Variants in HSD17B2 observed in about 807,000 individuals in gnomAD.
HSD17B2 encodes the protein hydroxysteroid 17-beta dehydrogenase 2.
A neutral mutation model predicts 26.9 loss-of-function variants in HSD17B2; 32 were observed. The observed-to-expected ratio is 1.19, with a 90% CI of 0.90 to 1.60. HSD17B2 has a LOEUF of 1.60. Among genes scored for constraint, HSD17B2 ranks in the 40% most tolerant of loss-of-function variants. The pLI is 0.00. For missense variants in HSD17B2, 613 were observed against 468.6 expected, an observed-to-expected ratio of 1.31 and a Z score of -2.85; for synonymous variants, 246 against 186.7, an observed-to-expected ratio of 1.32 and a Z score of -2.59.
rs896694170 is a variant in HSD17B2, at chr16:82,054,804, C to A, written c.266-13366C>A. Among the ~76,000 whole-genome samples, 22 of 152,302 alleles carry A rather than the reference C, an allele frequency of 1.4e-4. 7 individuals are homozygous for A. Among genetic ancestry groups the A allele is most frequent in the Admixed American group, 6.5e-4 (10 of 15,292 alleles). ...TTTAGCAGAAAGGGAAGGGTGCTGT[C>A]CAGTAGAAATATTTCTATTTTTTTT... On this transcript the variant is annotated intron_variant, in intron 1 of 4. Transcript: ENST00000199936.
intron 1 of HSD17B2, among the ~76,000 whole-genome samples, chr16:82,065,218 G>A (rs149166906): frequency 6.6e-6 from 1 of 152,338 alleles, no homozygotes; most frequent in African/African-American, 2.4e-5. Context: ...GGGAGCAGAT[G>A]ATGGACTTCA....
chr16:82,084,746 C>G (rs9319572), intron 3 of HSD17B2, among the ~76,000 whole-genome samples: 80,689 of 152,006 alleles, frequency 0.53, 21,875 homozygotes, highest in Middle Eastern at 0.68. Flanking sequence ...GAAGATAAAC[C>G]CCTCTAAAAC....
intron 3 of HSD17B2, among the ~76,000 whole-genome samples, chr16:82,080,121 A>G (rs1239779253): frequency 6.6e-6 from 1 of 152,046 alleles, no homozygotes; most frequent in African/African-American, 2.4e-5. Flanking sequence ...GGAATTGATG[A>G]CTCTGTTCCA....
chr16:82,087,831 G>C (rs1440819806), intron 3 of HSD17B2, among the ~76,000 whole-genome samples: 1 of 152,136 alleles, frequency 6.6e-6, no homozygotes, highest in Non-Finnish European at 1.5e-5. Flanking sequence ...GGGCAAGAGA[G>C]AGGGAGAAAG....
At chr16:82,097,202 GTGTATATGTCTATGTCTA>G (rs970228114) in intron 4 of HSD17B2, 5 of 144,326 alleles carry the variant, frequency 3.5e-5, no homozygotes, top group African/African-American at 1.3e-4. Flanking sequence ...CTAAATTTCT[GTGTATATGTCTATGTCTA>G]TGTCTATGTC....
chr16:82,093,251 C>T (rs1213341438), intron 4 of HSD17B2: 5 of 152,160 alleles, frequency 3.3e-5, no homozygotes, highest in Admixed American at 2.6e-4. Flanking sequence ...TAGGTAATCA[C>T]CTCTTACTTT....
intron 3 of HSD17B2, among the ~76,000 whole-genome samples, chr16:82,082,054 C>G (rs7196609): frequency 0.091 from 13,854 of 152,182 alleles, 1,150 homozygotes; most frequent in Admixed American, 0.24. Flanking sequence ...ATAAGAGCTT[C>G]TTTACCCCTT....
At chr16:82,089,624 G>A (rs970766923) in intron 3 of HSD17B2, among the ~76,000 whole-genome samples, 5 of 152,188 alleles carry the variant, frequency 3.3e-5, no homozygotes, top group African/African-American at 1.2e-4. Context: ...GAGGCCAGAT[G>A]TCTAAACCAA....
intron 1 of HSD17B2, among the ~76,000 whole-genome samples, chr16:82,057,424 C>G: frequency 6.6e-6 from 1 of 152,174 alleles, no homozygotes; most frequent in East Asian, 1.9e-4. Context: ...CTCTCGATTT[C>G]CTGACCTCGT....
chr16:82,048,037 C>A (rs1449595783), intron 1 of HSD17B2, among the ~76,000 whole-genome samples: 2 of 152,102 alleles, frequency 1.3e-5, no homozygotes, highest in African/African-American at 2.4e-5. Flanking sequence ...ATTTGACATG[C>A]CAAGGTTGTA....
intron 1 of HSD17B2, among the ~76,000 whole-genome samples, chr16:82,044,128 G>A (rs962277394): frequency 1.3e-5 from 2 of 151,932 alleles, no homozygotes; most frequent in Non-Finnish European, 2.9e-5. Context: ...TTTCTTTCTT[G>A]ACATTCCTCT....
At chr16:82,068,083 TA>T in intron 1 of HSD17B2, 86 bp from the exon 2 acceptor site, 1 of 1,185,206 alleles carries the variant, frequency 8.4e-7, no homozygotes, top group Non-Finnish European at 1.2e-6. Context: ...TGGAGAATCG[TA>T]AACAACGTAA....
intron 1 of HSD17B2, among the ~76,000 whole-genome samples, chr16:82,040,551 G>C (rs1408770588): frequency 6.6e-6 from 1 of 152,246 alleles, no homozygotes; most frequent in Non-Finnish European, 1.5e-5. Context: ...TAGATCCATA[G>C]TTGGTATTAG....
intron 4 of HSD17B2, chr16:82,095,830 C>A (rs1904822512): frequency 6.6e-6 from 1 of 152,080 alleles, no homozygotes; most frequent in Non-Finnish European, 1.5e-5. Flanking sequence ...ATAGTATGAT[C>A]CTTTTTGTTT....
chr16:82,090,176 G>C, intron 3 of HSD17B2: 1 of 964,292 alleles, frequency 1.0e-6, no homozygotes. Context: ...TGCTGTAGTG[G>C]GTTGAATAGT....
At position 82,063,434 on chromosome 16, in the gene HSD17B2, A is replaced by G. The variant is rs186751638; in HGVS notation, c.266-4736A>G. On this transcript the variant is annotated intron_variant, in intron 1 of 4. Coordinates refer to ENST00000199936, the MANE Select transcript of HSD17B2 (RefSeq NM_002153.3). ...TTAGAAAGGCTCTCTAGGGTTACAC[A>G]GGCAGGAATAGCAGGGCTAGACTCG... is the stretch of plus-strand genomic sequence containing the variant. 3.3e-5 allele frequency among the ~76,000 whole-genome samples: 5 copies of G among 152,322 alleles called. No individual in the cohort carries two copies. In the East Asian group the frequency reaches 9.7e-4, roughly 29 times the overall value.
In HSD17B2 at chr16:82,098,337, T is replaced by C. The variant is rs1413206163; in HGVS notation, c.1065T>C (p.Pro355=). The C allele has an allele frequency of 6.2e-7, 1 of 1,614,086 alleles. No homozygotes were observed. The highest frequency in any genetic ancestry group is 8.5e-7 in the Non-Finnish European group (1 of 1,180,016). ...YLWICLAHYL[P]IGIYDYFAKR... ...GGATCTGCCTTGCTCACTATTTGCC[T>C]ATTGGCATATATGATTACTTTGCTA... The change falls in exon 5 of 5, where the codon CCT becomes CCC. Residue 355 remains proline, a synonymous_variant. Transcript: ENST00000199936.
At chr16:82,073,600 A>C (rs564182995) in intron 3 of HSD17B2, among the ~76,000 whole-genome samples, 1 of 152,240 alleles carries the variant, frequency 6.6e-6, no homozygotes, top group South Asian at 2.1e-4. Flanking sequence ...TCTGAAACAA[A>C]ACTTGCTGTC....
chr16:82,065,107 G>C (rs192028330), intron 1 of HSD17B2, among the ~76,000 whole-genome samples: 3 of 152,334 alleles, frequency 2.0e-5, no homozygotes, highest in African/African-American at 7.2e-5. Context: ...TCAGCATCTT[G>C]TGTGGAGGCA....
Sources: gnomAD v4.1 joint callset for allele counts (sites outside exome capture counted in the v4.1 genomes callset) on GRCh38, gnomAD v4.1.1 for gene constraint, MANE v1.5 for transcripts, NCBI Gene and HGNC (gene_info 2026-07-23, HGNC 2026-07-21) for gene names.